ROBO2: variants seen among roughly 807,000 people sequenced by gnomAD.
The protein encoded by ROBO2 is roundabout guidance receptor 2.
Under a neutral mutation model 160.8 loss-of-function variants are expected in ROBO2, and 53 were observed. The observed-to-expected ratio is 0.33, with a 90% CI of 0.26 to 0.41. The LOEUF is 0.41. Ranked by LOEUF, ROBO2 falls within the 10% of genes least tolerant of loss-of-function variation. The pLI, the probability that ROBO2 is intolerant of heterozygous loss-of-function variation, is 1.00. For missense variants in ROBO2, 1,577 were observed against 1,722.4 expected, an observed-to-expected ratio of 0.92 and a Z score of 1.49; for synonymous variants, 664 against 611.7, an observed-to-expected ratio of 1.09 and a Z score of -1.26.
chr3:76,217,679 C>T (rs1190332027), intron 2 of ROBO2, among the ~76,000 whole-genome samples: 4 of 152,012 alleles, frequency 2.6e-5, no homozygotes, highest in Non-Finnish European at 5.9e-5. Flanking sequence ...TAATAGCTTA[C>T]CAACCAAAAA....
intron 2 of ROBO2, among the ~76,000 whole-genome samples, chr3:76,859,786 TTC>T (rs1272704446): frequency 1.3e-5 from 2 of 152,156 alleles, no homozygotes; most frequent in Non-Finnish European, 2.9e-5. Flanking sequence ...CAGTTAACCA[TTC>T]TCTCTCTAGC....
intron 2 of ROBO2, among the ~76,000 whole-genome samples, chr3:76,422,204 C>T (rs1219716268): frequency 5.3e-5 from 8 of 152,076 alleles, no homozygotes; most frequent in African/African-American, 1.9e-4. Context: ...CAAAACAGGA[C>T]CTTTTTATAA....
rs191295032 is a variant in ROBO2 at position 77,080,112 on chromosome 3, G to A, written c.62-17902G>A. 2.0e-5 allele frequency among the ~76,000 whole-genome samples: 3 copies of A among 152,196 alleles called. No individual in the cohort carries two copies. The East Asian group carries it at 5.8e-4, about 29-fold the overall frequency. ...GTATTTTTCTTCTCTTGGCTTTTGT[G>A]TCCTGTGCTTTTTCCCAAGCAGTGT... On this transcript the variant is annotated intron_variant, in intron 1 of 25. Coordinates refer to ENST00000461745, the Ensembl canonical transcript of ROBO2.
chr3:77,083,496 G>A (rs1488797601), intron 1 of ROBO2, among the ~76,000 whole-genome samples: 1 of 152,060 alleles, frequency 6.6e-6, no homozygotes, highest in Non-Finnish European at 1.5e-5. Flanking sequence ...TCCAAAATCC[G>A]TTTGCATTTT....
At chr3:77,516,854 A>G (rs889616699) in intron 5 of ROBO2, among the ~76,000 whole-genome samples, 1 of 151,672 alleles carries the variant, frequency 6.6e-6, no homozygotes, top group African/African-American at 2.4e-5. Flanking sequence ...TACTGCATAT[A>G]ATTGTTGCAC....
intron 2 of ROBO2, among the ~76,000 whole-genome samples, chr3:76,346,644 G>A (rs1409021767): frequency 2.6e-5 from 4 of 152,014 alleles, no homozygotes; most frequent in Admixed American, 1.3e-4. Flanking sequence ...ACCATTTCAT[G>A]TTTCACAGAC....
intron 2 of ROBO2, among the ~76,000 whole-genome samples, chr3:76,433,691 G>A (rs142753331): frequency 3.8e-4 from 58 of 152,290 alleles, no homozygotes; most frequent in African/African-American, 1.3e-3. Context: ...ATATGTTGCT[G>A]TGTTGACTTG....
rs1011907636 is a variant in ROBO2, at chr3:77,088,255, G to A, written c.62-9759G>A. On this transcript the variant is annotated intron_variant, in intron 1 of 25. Transcript: ENST00000461745. Reference sequence around the variant, plus strand: ...TACAATTGTGAAATTCAGGTTGAAAGTTTTATGAATCTTTATTACTTACCT... The same window carrying A: ...TACAATTGTGAAATTCAGGTTGAAAATTTTATGAATCTTTATTACTTACCT... 5.4e-4 allele frequency among the ~76,000 whole-genome samples: 82 copies of A among 152,254 alleles called. 1 individual carries two copies. The highest frequency in any genetic ancestry group is 2.0e-3 in the African/African-American group (82 of 41,554).
intron 2 of ROBO2, among the ~76,000 whole-genome samples, chr3:76,604,833 T>C (rs2087513995): frequency 6.6e-6 from 1 of 152,166 alleles, no homozygotes; most frequent in Admixed American, 6.5e-5. Flanking sequence ...AGGTAGACAG[T>C]TACATTTTGG....
At chr3:76,194,729 C>T (rs1470922808) in intron 2 of ROBO2, among the ~76,000 whole-genome samples, 1 of 151,974 alleles carries the variant, frequency 6.6e-6, no homozygotes, top group Non-Finnish European at 1.5e-5. Flanking sequence ...AAGTGATTCT[C>T]CTGCCTCAGC....
At chr3:77,599,334 T>C (rs1465064332) in intron 19 of ROBO2, among the ~76,000 whole-genome samples, 3 of 152,062 alleles carry the variant, frequency 2.0e-5, no homozygotes, top group Non-Finnish European at 2.9e-5. Flanking sequence ...CTTTGTATTG[T>C]AAAGGCAGAT....
intron 2 of ROBO2, among the ~76,000 whole-genome samples, chr3:77,377,154 A>G (rs961060751): frequency 1.5e-4 from 23 of 152,192 alleles, no homozygotes; most frequent in Non-Finnish European, 1.2e-4. Context: ...CTGTTTTTAT[A>G]TTTGGATATA....
chr3:77,649,008 T>C (rs1162482884), exon 26 of ROBO2: 2 of 152,198 alleles, frequency 1.3e-5, no homozygotes, highest in Non-Finnish European at 1.5e-5. Context: ...AATAGCTCTA[T>C]TGGTGCCCAA....
chr3:76,895,103 C>G (rs114233882), intron 2 of ROBO2, among the ~76,000 whole-genome samples: 1 of 151,916 alleles, frequency 6.6e-6, no homozygotes, highest in South Asian at 2.1e-4. Flanking sequence ...CTTTTTCTTT[C>G]TCTGTTTCCT....
chr3:76,306,954 C>G (rs2071361774), intron 2 of ROBO2, among the ~76,000 whole-genome samples: 1 of 152,202 alleles, frequency 6.6e-6, no homozygotes, highest in African/African-American at 2.4e-5. Context: ...TTTTTTTAAA[C>G]TCATTTTGGA....
chr3:77,513,200 C>A (rs1582608727), intron 5 of ROBO2, among the ~76,000 whole-genome samples: 1 of 151,608 alleles, frequency 6.6e-6, no homozygotes, highest in Admixed American at 6.6e-5. Context: ...TAATTTTTTC[C>A]TCCTCCTAAA....
At chr3:77,137,296 G>A (rs925873497) in intron 2 of ROBO2, among the ~76,000 whole-genome samples, 32 of 151,706 alleles carry the variant, frequency 2.1e-4, no homozygotes, top group African/African-American at 7.5e-4. Context: ...GTGTGATCTC[G>A]GCTCACTGCA....
intron 2 of ROBO2, among the ~76,000 whole-genome samples, chr3:75,992,022 G>T (rs960196872): frequency 6.6e-6 from 1 of 152,164 alleles, no homozygotes; most frequent in Non-Finnish European, 1.5e-5. Flanking sequence ...AGTGACATGT[G>T]CTGTAAAAGG....
At chr3:76,340,226 A>G (rs766996776) in intron 2 of ROBO2, among the ~76,000 whole-genome samples, 1 of 152,172 alleles carries the variant, frequency 6.6e-6, no homozygotes, top group Non-Finnish European at 1.5e-5. Context: ...GTTAAAAGCA[A>G]TTGCATATTA....
Sources: gnomAD v4.1 joint callset for allele counts (sites outside exome capture counted in the v4.1 genomes callset) on GRCh38, gnomAD v4.1.1 for gene constraint, MANE v1.5 for transcripts, NCBI Gene and HGNC (gene_info 2026-07-23, HGNC 2026-07-21) for gene names.